LTBP2: variants seen among roughly 807,000 people sequenced by gnomAD.
LTBP2 encodes the protein latent transforming growth factor beta binding protein 2, also known as latent-transforming growth factor beta-binding protein 2.
In LTBP2, 103 loss-of-function variants were observed where a neutral mutation model predicts 210.6. The observed-to-expected ratio is 0.49, with a 90% CI of 0.42 to 0.58. The LOEUF (loss-of-function observed/expected upper bound fraction) is 0.58, where lower values mean the gene tolerates loss of function less well. Ranked by LOEUF, LTBP2 falls within the 20% of genes least tolerant of loss-of-function variation. The probability of loss-of-function intolerance (pLI) is 0.00; values close to 1 mark genes in which losing one functional copy is unlikely to be tolerated. For synonymous variants in LTBP2, 1,007 were observed against 1,015.0 expected (o/e 0.99, Z 0.15); for missense variants, 2,313 against 2,494.5 (o/e 0.93, Z 1.55).
At chr14:74,602,485 A>G (rs2139806722) in intron 2 of LTBP2, among the ~76,000 whole-genome samples, 1 of 152,334 alleles carries the variant, frequency 6.6e-6, no homozygotes, top group South Asian at 2.1e-4. Flanking sequence ...AGCAGGGTAC[A>G]GGTATTAAGA....
intron 2 of LTBP2, among the ~76,000 whole-genome samples, chr14:74,599,258 T>C (rs2088412060): frequency 6.6e-6 from 1 of 152,224 alleles, no homozygotes; most frequent in South Asian, 2.1e-4. Flanking sequence ...TCTCGAGCCT[T>C]GCTGCTGGGG....
intron 12 of LTBP2, among the ~76,000 whole-genome samples, chr14:74,527,673 G>A (rs1191289486): frequency 2.6e-5 from 4 of 152,102 alleles, no homozygotes; most frequent in African/African-American, 4.8e-5. Flanking sequence ...ACCTGCTCCC[G>A]GACCTGTCCA....
chr14:74,582,068 G>A (rs547759723), intron 3 of LTBP2, among the ~76,000 whole-genome samples: 1 of 146,694 alleles, frequency 6.8e-6, no homozygotes, highest in African/African-American at 2.5e-5. Flanking sequence ...CACCCCAGCT[G>A]GAGTGCAATG....
chr14:74,561,585 A>T (rs2087794961), intron 3 of LTBP2, among the ~76,000 whole-genome samples: 1 of 152,096 alleles, frequency 6.6e-6, no homozygotes, highest in African/African-American at 2.4e-5. Context: ...GTGTGTGTGT[A>T]CCTCCTATTT....
chr14:74,598,483 C>A (rs377393605), intron 2 of LTBP2, among the ~76,000 whole-genome samples: 1 of 152,194 alleles, frequency 6.6e-6, no homozygotes, highest in Admixed American at 6.5e-5. Context: ...ATTCAGTATA[C>A]ACTTATGGAC....
At chr14:74,552,440 A>T (rs767339047) in intron 5 of LTBP2, 47 bp from the exon 6 acceptor site, 1 of 1,549,804 alleles carries the variant, frequency 6.5e-7, no homozygotes, top group Non-Finnish European at 8.8e-7. Context: ...GAACAGCAGC[A>T]CCCGCTCTGT....
intron 20 of LTBP2, 80 bp downstream of exon 20, chr14:74,510,011 G>T: frequency 6.2e-7 from 1 of 1,612,096 alleles, no homozygotes. Context: ...GGATTCAGGG[G>T]GCCAAGGGTG....
intron 8 of LTBP2, among the ~76,000 whole-genome samples, chr14:74,541,934 G>C (rs1424597138): frequency 2.6e-5 from 4 of 152,172 alleles, no homozygotes; most frequent in African/African-American, 9.7e-5. Context: ...TTATCACAAG[G>C]GGTAAGGGGT....
At chr14:74,555,788 G>T (rs2087721253) in intron 3 of LTBP2, 95 bp from the exon 4 acceptor site, 1 of 933,504 alleles carries the variant, frequency 1.1e-6, no homozygotes, top group Non-Finnish European at 1.5e-6. Flanking sequence ...CTTTGCACAA[G>T]AAAAATGCTC....
intron 3 of LTBP2, among the ~76,000 whole-genome samples, chr14:74,567,457 G>C (rs1466788815): frequency 6.6e-6 from 1 of 152,146 alleles, no homozygotes; most frequent in Non-Finnish European, 1.5e-5. Flanking sequence ...GCCACCTCAG[G>C]GGCAGAGGCG....
Position 74,522,935 on chromosome 14 carries a change from A to G in LTBP2, c.2531-17T>C. On this transcript the variant is annotated splice_polypyrimidine_tract_variant and intron_variant, in intron 15 of 35. Coordinates refer to ENST00000261978, the MANE Select transcript of LTBP2 (RefSeq NM_000428.3). ...TGTCAATGCCTGTGGGAGACAGAGC[A>G]AAACAGAGGTTATGGCAGGGTGGGT... 6.2e-7 allele frequency: 1 copy of G among 1,609,492 alleles called. No homozygotes were observed. Among genetic ancestry groups the G allele is most frequent in the Non-Finnish European group, 8.5e-7 (1 of 1,178,584 alleles).
At chr14:74,605,578 G>A (rs1212449390) in intron 1 of LTBP2, among the ~76,000 whole-genome samples, 1 of 152,186 alleles carries the variant, frequency 6.6e-6, no homozygotes, top group African/African-American at 2.4e-5. Context: ...ACCTCTCGTG[G>A]GGCTAGGAGG....
chr14:74,542,692 C>T lies in LTBP2; in HGVS notation c.1790-6692G>A, dbSNP rs575634381. Reference sequence around the variant, plus strand: ...GTAGGAGTGCAGGTGCTGGGGCAGCCAGACCCACATCTAATCCCAGGCTCC... The same window carrying T: ...GTAGGAGTGCAGGTGCTGGGGCAGCTAGACCCACATCTAATCCCAGGCTCC... On this transcript the variant is annotated intron_variant, in intron 8 of 35. Coordinates refer to ENST00000261978, the MANE Select transcript of LTBP2 (RefSeq NM_000428.3). Among the ~76,000 whole-genome samples, 10 of 152,076 alleles carry T rather than the reference C, an allele frequency of 6.6e-5. 1 individual carries two copies. In the South Asian group the frequency reaches 2.1e-3, roughly 32 times the overall value.
At chr14:74,535,530 C>T (rs577083696) in intron 9 of LTBP2, among the ~76,000 whole-genome samples, 1 of 152,278 alleles carries the variant, frequency 6.6e-6, no homozygotes, top group African/African-American at 2.4e-5. Flanking sequence ...ACAGAGGCCC[C>T]AACAACTCAG....
intron 3 of LTBP2, among the ~76,000 whole-genome samples, chr14:74,568,443 G>C (rs1395299518): frequency 6.6e-6 from 1 of 152,002 alleles, no homozygotes; most frequent in African/African-American, 2.4e-5. Flanking sequence ...CGGAGGAAGG[G>C]GTGGGGAGTG....
At position 74,510,153 on chromosome 14, in the gene LTBP2, C is replaced by A. The variant is rs753925084; in HGVS notation, c.3089G>T (p.Gly1030Val). ...CTGCTCACAAGAGCATCTGAAGGAG[C>A]CTTCTAGGTTGGTGCACTTTCCATG... ...CAHGKCTNLEGSFRCSCEQGY... is the reference protein window; with the variant it reads ...CAHGKCTNLEVSFRCSCEQGY... Residue 1030 changes from glycine to valine, a missense_variant, in exon 20 of 36, where the codon GGC (glycine) becomes GTC (valine). Transcript: ENST00000261978. The A allele has an allele frequency of 1.2e-6, 2 of 1,614,102 alleles. No homozygotes were observed. Among genetic ancestry groups the A allele is most frequent in the East Asian group, 2.2e-5 (1 of 44,884 alleles).
rs371346534 is a variant in LTBP2, at chr14:74,502,889, C to T, written c.4934G>A (p.Arg1645Gln). Reference protein sequence around the residue: ...LCNVARIEAEREAGVHFRPGY... With the variant: ...LCNVARIEAEQEAGVHFRPGY... ...TGGCCGGAAGTGGACCCCGGCCTCC[C>T]GCTCTGCCTCAATGCGAGCCACGTT... Residue 1645 changes from arginine (R) to glutamine (Q), a missense_variant, in exon 34 of 36, where the codon CGG (arginine) becomes CAG (glutamine). Transcript: ENST00000261978. The T allele has an allele frequency of 1.4e-4, 233 of 1,613,288 alleles. 1 individual carries two copies. The South Asian group carries it at 1.9e-3, about 13-fold the overall frequency.
intron 3 of LTBP2, among the ~76,000 whole-genome samples, chr14:74,578,317 G>A (rs187088402): frequency 7.9e-5 from 12 of 152,334 alleles, no homozygotes; most frequent in Non-Finnish European, 7.3e-5. Context: ...CAGACACCCC[G>A]CGAATCGTGC....
rs2086944299 is a variant in LTBP2, at chr14:74,503,610, G to C, written c.4583-4C>G. ...AGGTCCTGGCACTCATCGTGATCTGGGGAGGCAGGAAAGGGTGGGGCATTG... is the reference window on the plus strand; with the variant it reads ...AGGTCCTGGCACTCATCGTGATCTGCGGAGGCAGGAAAGGGTGGGGCATTG... On this transcript the variant is annotated splice_polypyrimidine_tract_variant and splice_region_variant and intron_variant, in intron 31 of 35. Transcript: ENST00000261978. The C allele has an allele frequency of 6.2e-7, 1 of 1,613,330 alleles. No homozygotes were observed. Among genetic ancestry groups the C allele is most frequent in the South Asian group, 1.1e-5 (1 of 91,070 alleles).
Sources: allele counts gnomAD v4.1 joint callset (sites outside exome capture counted in the v4.1 genomes callset), GRCh38; gene constraint gnomAD v4.1.1; transcripts MANE v1.5; gene names NCBI Gene and HGNC (gene_info 2026-07-23, HGNC 2026-07-21).